TXNRD1: variants seen among roughly 807,000 people sequenced by gnomAD.
TXNRD1 encodes the protein thioredoxin reductase 1, also known as thioredoxin reductase 1, cytoplasmic.
In TXNRD1, 57 loss-of-function variants were observed where a neutral mutation model predicts 80.3. The ratio of observed to expected loss-of-function variants is 0.71; its 90% CI spans 0.57 to 0.89. The LOEUF (loss-of-function observed/expected upper bound fraction) is 0.89, where lower values mean the gene tolerates loss of function less well. TXNRD1 is among the 40% of genes least tolerant of loss of function. TXNRD1 has a pLI of 0.00. For synonymous variants in TXNRD1, 291 were observed against 285.2 expected (o/e 1.02, Z -0.20); for missense variants, 730 against 803.0 (o/e 0.91, Z 1.10).
chr12:104,290,739 ATATATATATATATATATATG>A (rs926488176), intron 4 of TXNRD1, among the ~76,000 whole-genome samples: 3 of 111,232 alleles, frequency 2.7e-5, no homozygotes, highest in East Asian at 2.4e-4. Context: ...ATATATATAT[ATATATATATATATATATATG>A]TATATTTCTT....
intron 2 of TXNRD1, among the ~76,000 whole-genome samples, chr12:104,254,492 CATT>C (rs2033194916): frequency 6.6e-6 from 1 of 151,600 alleles, no homozygotes; most frequent in African/African-American, 2.4e-5. Flanking sequence ...TATTTTCAAA[CATT>C]ATTAAAGAAT....
rs546962350 is a variant in TXNRD1 at position 104,251,488 on chromosome 12, CT to C, written c.92-36del. 1.1e-3 allele frequency: 1,803 copies of C among 1,598,298 alleles called. 27 individuals are homozygous for C. In the South Asian group the frequency reaches 0.015, roughly 13 times the overall value. On this transcript the variant is annotated intron_variant, in intron 1 of 16. Transcript: ENST00000525566. ...TTAGAAAATGCATCATCATGTTTTCCTTTGTGATAATTACCATCCTTACTTC... is the reference window on the plus strand; with the variant it reads ...TTAGAAAATGCATCATCATGTTTTCCTTGTGATAATTACCATCCTTACTTC...
At chr12:104,332,837 C>T (rs1421906675) in intron 14 of TXNRD1, among the ~76,000 whole-genome samples, 2 of 148,890 alleles carry the variant, frequency 1.3e-5, no homozygotes, top group Non-Finnish European at 3.0e-5. Flanking sequence ...AATTTTAATT[C>T]ATGAAGAGAT....
intron 3 of TXNRD1, among the ~76,000 whole-genome samples, chr12:104,259,606 C>G (rs376588144): frequency 1.3e-5 from 2 of 151,516 alleles, no homozygotes; most frequent in African/African-American, 4.9e-5. Context: ...ATTCTCCTGC[C>G]TCAGCCTCCT....
At chr12:104,339,500 A>G (rs1460542103) in intron 16 of TXNRD1, 1 of 699,818 alleles carries the variant, frequency 1.4e-6, no homozygotes, top group Non-Finnish European at 2.6e-6. Context: ...AGAGTGATTT[A>G]TAGAGCTGTG....
At chr12:104,231,134 G>A (rs372467540) in intron 1 of TXNRD1, among the ~76,000 whole-genome samples, 3 of 152,088 alleles carry the variant, frequency 2.0e-5, no homozygotes, top group African/African-American at 2.4e-5. Context: ...TAAAAGAAAC[G>A]AAAACTTCCC....
chr12:104,240,320 T>C (rs2032831578), intron 1 of TXNRD1, among the ~76,000 whole-genome samples: 1 of 152,094 alleles, frequency 6.6e-6, no homozygotes, highest in East Asian at 1.9e-4. Context: ...TGAAATACAG[T>C]GTAACCACAT....
intron 4 of TXNRD1, among the ~76,000 whole-genome samples, chr12:104,303,318 T>C (rs1325483199): frequency 1.3e-5 from 2 of 152,212 alleles, no homozygotes; most frequent in African/African-American, 4.8e-5. Context: ...ACTGAGAGTT[T>C]AGCCTGCTTA....
Position 104,315,779 on chromosome 12 carries a change from C to G in TXNRD1, c.613C>G (p.Leu205Val), listed in dbSNP as rs757806081. 1 of 1,610,952 alleles carries G rather than the reference C, an allele frequency of 6.2e-7. No homozygotes were observed. Among genetic ancestry groups the G allele is most frequent in the South Asian group, 1.1e-5 (1 of 90,802 alleles). The change falls in exon 7 of 17, where the codon CTC becomes GTC. Residue 205 changes from leucine (L) to valine (V), a missense_variant and splice_region_variant. Physicochemically the swap from Leu to Val is conservative, Grantham distance 32. Coordinates refer to ENST00000525566, the MANE Select transcript of TXNRD1 (RefSeq NM_001093771.3). ...TPTPLGTRWG[L>V]GGTCVNVGCI... Reference sequence around the variant, plus strand: ...CTGATTTCTCAATGTTGTTGTAGGTCTCGGAGGAACATGTGTGAATGTGGG... The same window carrying G: ...CTGATTTCTCAATGTTGTTGTAGGTGTCGGAGGAACATGTGTGAATGTGGG...
At chr12:104,231,015 T>C (rs2032609794) in intron 1 of TXNRD1, among the ~76,000 whole-genome samples, 1 of 152,134 alleles carries the variant, frequency 6.6e-6, no homozygotes, top group South Asian at 2.1e-4. Flanking sequence ...ATCACCATGT[T>C]TGGGTGGACT....
intron 4 of TXNRD1, among the ~76,000 whole-genome samples, chr12:104,303,469 G>A (rs2034725658): frequency 6.6e-6 from 1 of 152,176 alleles, no homozygotes; most frequent in Non-Finnish European, 1.5e-5. Context: ...AGGACCTTTA[G>A]TCTCCTCAAT....
intron 3 of TXNRD1, among the ~76,000 whole-genome samples, chr12:104,276,287 T>C (rs141838945): frequency 6.6e-6 from 1 of 152,330 alleles, no homozygotes; most frequent in African/African-American, 2.4e-5. Context: ...GAACAATCCT[T>C]ATTCTTCTGA....
chr12:104,267,881 C>A (rs1318787750), intron 3 of TXNRD1, among the ~76,000 whole-genome samples: 1 of 139,672 alleles, frequency 7.2e-6, no homozygotes, highest in Non-Finnish European at 1.5e-5. Context: ...CTGAGTTTTG[C>A]TCTTGTTGCC....
At chr12:104,234,503 CAGGCTGGTCTT>C in intron 1 of TXNRD1, among the ~76,000 whole-genome samples, 1 of 152,040 alleles carries the variant, frequency 6.6e-6, no homozygotes, top group East Asian at 1.9e-4. Flanking sequence ...CCATATTGGC[CAGGCTGGTCTT>C]GAACTCCTGA....
At chr12:104,259,253 C>T (rs75836483) in intron 3 of TXNRD1, among the ~76,000 whole-genome samples, 1 of 150,786 alleles carries the variant, frequency 6.6e-6, no homozygotes, top group Admixed American at 6.6e-5. Flanking sequence ...TGGTGGTGTG[C>T]ACCTGTAGTC....
At chr12:104,272,536 T>G (rs2033672554) in intron 3 of TXNRD1, among the ~76,000 whole-genome samples, 1 of 152,200 alleles carries the variant, frequency 6.6e-6, no homozygotes, top group African/African-American at 2.4e-5. Flanking sequence ...GGCTCACGCC[T>G]GCAATCCCAG....
intron 2 of TXNRD1, among the ~76,000 whole-genome samples, chr12:104,253,871 T>G (rs1219008218): frequency 1.3e-5 from 2 of 152,130 alleles, no homozygotes; most frequent in African/African-American, 4.8e-5. Flanking sequence ...TTTTGTATTT[T>G]TAGTAGAGAT....
intron 3 of TXNRD1, among the ~76,000 whole-genome samples, chr12:104,277,769 C>T (rs566742694): frequency 6.6e-6 from 1 of 151,892 alleles, no homozygotes; most frequent in Admixed American, 6.5e-5. Flanking sequence ...TAGCCTGTTC[C>T]TCACTCTATA....
intron 13 of TXNRD1, among the ~76,000 whole-genome samples, chr12:104,330,911 C>A (rs1448356789): frequency 6.6e-6 from 1 of 151,970 alleles, no homozygotes; most frequent in African/African-American, 2.4e-5. Context: ...TTAAGCCATT[C>A]CAACATTGCC....
Sources: allele counts gnomAD v4.1 joint callset (sites outside exome capture counted in the v4.1 genomes callset), GRCh38; gene constraint gnomAD v4.1.1; transcripts MANE v1.5; gene names NCBI Gene and HGNC (gene_info 2026-07-23, HGNC 2026-07-21).